The following RALGPS2 variants were observed in gnomAD, a reference collection of about 807,000 sequenced individuals.
RALGPS2 encodes Ral GEF with PH domain and SH3 binding motif 2, also known as ras-specific guanine nucleotide-releasing factor RalGPS2.
In RALGPS2, 43 loss-of-function variants were observed where a neutral mutation model predicts 86.8. That is an observed-to-expected ratio of 0.50 (90% CI 0.39 to 0.64). The LOEUF (loss-of-function observed/expected upper bound fraction) is 0.64. Among genes scored for constraint, RALGPS2 ranks in the 30% least tolerant of loss-of-function variants. RALGPS2 has a pLI of 0.00. For synonymous variants in RALGPS2, 243 were observed against 231.3 expected (o/e 1.05, Z -0.46); for missense variants, 536 against 694.6 (o/e 0.77, Z 2.57).
At chr1:178,744,833 A>AT (rs1265526732) in intron 1 of RALGPS2, among the ~76,000 whole-genome samples, 1 of 151,648 alleles carries the variant, frequency 6.6e-6, no homozygotes, top group Non-Finnish European at 1.5e-5. Context: ...AAAAAAAAAA[A>AT]AAAAGAAAGG....
chr1:178,726,835 G>T (rs543213694), intron 1 of RALGPS2, among the ~76,000 whole-genome samples: 1 of 152,286 alleles, frequency 6.6e-6, no homozygotes, highest in East Asian at 1.9e-4. Flanking sequence ...CTGTTAGACA[G>T]ATCATAGCTT....
chr1:178,731,728 T>G (rs1231004848), intron 1 of RALGPS2, among the ~76,000 whole-genome samples: 2 of 152,200 alleles, frequency 1.3e-5, no homozygotes, highest in Non-Finnish European at 2.9e-5. Flanking sequence ...TGACTTTACT[T>G]TATTTCTTCT....
chr1:178,818,990 C>CTTTTTT (rs58110181), intron 6 of RALGPS2, among the ~76,000 whole-genome samples: 3 of 135,604 alleles, frequency 2.2e-5, no homozygotes, highest in African/African-American at 5.5e-5. Context: ...TTTTCTTTTT[C>CTTTTTT]TTTTTTTTTT....
intron 19 of RALGPS2, among the ~76,000 whole-genome samples, chr1:178,913,282 CA>C (rs564534239): frequency 1.4e-3 from 182 of 126,620 alleles, no homozygotes; most frequent in Middle Eastern, 4.1e-3. Context: ...ACTCCCATCT[CA>C]AAAAAAAAAA....
At chr1:178,911,511 T>C (rs1287643816) in intron 19 of RALGPS2, among the ~76,000 whole-genome samples, 2 of 152,200 alleles carry the variant, frequency 1.3e-5, no homozygotes, top group Non-Finnish European at 2.9e-5. Flanking sequence ...TTCCATATAA[T>C]TGTGTGGTTT....
intron 8 of RALGPS2, among the ~76,000 whole-genome samples, chr1:178,874,867 C>T (rs989829939): frequency 5.9e-5 from 9 of 152,318 alleles, no homozygotes; most frequent in African/African-American, 1.4e-4. Flanking sequence ...CTGCCCGCCT[C>T]AGCCTCCCGA....
intron 8 of RALGPS2, among the ~76,000 whole-genome samples, chr1:178,837,621 G>A (rs962444784): frequency 6.6e-6 from 1 of 152,228 alleles, no homozygotes; most frequent in African/African-American, 2.4e-5. Flanking sequence ...ACAGAAGACA[G>A]GTGATTGATG....
At chr1:178,797,249 G>A (rs1046546297) in intron 4 of RALGPS2, among the ~76,000 whole-genome samples, 2 of 152,188 alleles carry the variant, frequency 1.3e-5, no homozygotes, top group South Asian at 4.2e-4. Flanking sequence ...GTATTCTAGT[G>A]TGACTTGGAG....
intron 17 of RALGPS2, among the ~76,000 whole-genome samples, chr1:178,898,890 G>T (rs575908906): frequency 1.8e-3 from 268 of 151,958 alleles, no homozygotes; most frequent in Non-Finnish European, 3.2e-3. Flanking sequence ...CATTTACATA[G>T]ATTAGTTTTG....
rs142864259 is a variant in RALGPS2, at chr1:178,895,873, A to G, written c.1432-1791A>G. On this transcript the variant is annotated intron_variant, in intron 16 of 19. Transcript: ENST00000367635. ...GGCTGTTGAAAAAGTATGGATCATG[A>G]GGTCAGCAGAGAGGTGGCAGGGAGA... Among the ~76,000 whole-genome samples the G allele has an allele frequency of 4.6e-5, 7 of 152,070 alleles. No homozygotes were observed. In the East Asian group the frequency reaches 1.2e-3, roughly 25 times the overall value.
intron 8 of RALGPS2, among the ~76,000 whole-genome samples, chr1:178,840,415 A>G (rs919221335): frequency 3.9e-5 from 6 of 152,182 alleles, no homozygotes; most frequent in Non-Finnish European, 7.3e-5. Flanking sequence ...GGTACATAAC[A>G]AAATGAAGGC....
chr1:178,838,214 A>G (rs535984595), intron 8 of RALGPS2, among the ~76,000 whole-genome samples: 1 of 152,344 alleles, frequency 6.6e-6, no homozygotes, highest in African/African-American at 2.4e-5. Context: ...CTGAGAACAG[A>G]CAGGCTGCCT....
chr1:178,806,302 T>C (rs1654736591), intron 4 of RALGPS2, among the ~76,000 whole-genome samples: 1 of 152,178 alleles, frequency 6.6e-6, no homozygotes, highest in Non-Finnish European at 1.5e-5. Flanking sequence ...TTCTAGAAAA[T>C]TGAATTCTTC....
chr1:178,787,991 T>G (rs184694585), intron 4 of RALGPS2, among the ~76,000 whole-genome samples: 14 of 152,346 alleles, frequency 9.2e-5, no homozygotes, highest in Admixed American at 9.1e-4. Context: ...AGAACCATCT[T>G]AATATGGTCT....
Position 178,917,819 on chromosome 1 carries a change from A to C in RALGPS2, c.*1460A>C, listed in dbSNP as rs1482613426. ...TGTTATAAACTCTTGAGACATAATG[A>C]ATTTTAGCAGTGGCCTAGAGTAAGG... is the stretch of plus-strand genomic sequence containing the variant. On this transcript the variant is annotated 3_prime_UTR_variant, in exon 20 of 20. Transcript: ENST00000367635. 1.3e-5 allele frequency: 2 copies of C among 152,206 alleles called. No homozygotes were observed. The highest frequency in any genetic ancestry group is 4.8e-5 in the African/African-American group (2 of 41,466). 9.4% of individuals were successfully genotyped at this position (152,206 alleles called of 1,614,324 possible).
chr1:178,883,444 A>G (rs1247468903), intron 10 of RALGPS2, 22 bp from the exon 11 acceptor site: 1 of 1,556,290 alleles, frequency 6.4e-7, no homozygotes, highest in East Asian at 2.2e-5. Flanking sequence ...CATTGTATGT[A>G]TTTTGTCTTT....
chr1:178,868,517 T>G (rs991333408), intron 8 of RALGPS2, among the ~76,000 whole-genome samples: 4 of 152,000 alleles, frequency 2.6e-5, no homozygotes, highest in Non-Finnish European at 4.4e-5. Flanking sequence ...AATAGAATTT[T>G]ATGAGCAATA....
chr1:178,856,728 T>G (rs1374016278), intron 8 of RALGPS2, among the ~76,000 whole-genome samples: 1 of 152,142 alleles, frequency 6.6e-6, no homozygotes, highest in Non-Finnish European at 1.5e-5. Context: ...TAATTGTAGC[T>G]TATTTAATAA....
At chr1:178,788,804 CTTTCTTTTCT>C (rs368472993) in intron 4 of RALGPS2, among the ~76,000 whole-genome samples, 5 of 148,350 alleles carry the variant, frequency 3.4e-5, no homozygotes, top group African/African-American at 5.1e-5. Flanking sequence ...TCTTTTCTTT[CTTTCTTTTCT>C]TTTCTTTTCT....
Sources: allele counts gnomAD v4.1 joint callset (sites outside exome capture counted in the v4.1 genomes callset), GRCh38; gene constraint gnomAD v4.1.1; transcripts MANE v1.5; gene names NCBI Gene and HGNC (gene_info 2026-07-23, HGNC 2026-07-21).